SOX6: variants seen among roughly 807,000 people sequenced by gnomAD.
SOX6 encodes the protein SRY-box transcription factor 6, also known as transcription factor SOX-6.
Under a neutral mutation model 97.8 loss-of-function variants are expected in SOX6, and 11 were observed. The observed-to-expected ratio is 0.11, with a 90% confidence interval of 0.07 to 0.19. The LOEUF (loss-of-function observed/expected upper bound fraction) is 0.19, where lower values mean the gene tolerates loss of function less well. Among genes scored for constraint, SOX6 ranks in the 10% least tolerant of loss-of-function variants. The pLI is 1.00. For missense variants in SOX6, 810 were observed against 1,039.5 expected (o/e 0.78, Z 3.04); for synonymous variants, 360 against 371.4 (o/e 0.97, Z 0.35).
intron 4 of SOX6, among the ~76,000 whole-genome samples, chr11:16,504,960 C>A (rs1483254636): frequency 2.0e-5 from 3 of 152,154 alleles, no homozygotes; most frequent in Non-Finnish European, 4.4e-5. Flanking sequence ...AATTAAACAT[C>A]TTTATTACCC....
At chr11:16,268,518 G>A (rs1196437417) in intron 3 of SOX6, among the ~76,000 whole-genome samples, 3 of 150,946 alleles carry the variant, frequency 2.0e-5, no homozygotes, top group East Asian at 3.9e-4. Flanking sequence ...TAGAGAAGAC[G>A]GTCATTCTAA....
At chr11:16,032,096 T>G (rs573380477) in intron 12 of SOX6, among the ~76,000 whole-genome samples, 1 of 152,254 alleles carries the variant, frequency 6.6e-6, no homozygotes, top group Non-Finnish European at 1.5e-5. Context: ...AACTACTTCT[T>G]CCAAAGTCTG....
intron 3 of SOX6, among the ~76,000 whole-genome samples, chr11:16,250,022 T>C (rs1853460377): frequency 6.6e-6 from 1 of 152,196 alleles, no homozygotes. Flanking sequence ...TATTTTGGCT[T>C]TCATTTAGAG....
intron 2 of SOX6, among the ~76,000 whole-genome samples, chr11:16,720,591 C>A (rs1848253424): frequency 7.5e-6 from 1 of 133,500 alleles, no homozygotes; most frequent in African/African-American, 2.8e-5. Context: ...ATACCTAATG[C>A]TAAATGACGA....
chr11:16,357,401 C>T (rs1025011138), upstream of SOX6, among the ~76,000 whole-genome samples: 2 of 152,138 alleles, frequency 1.3e-5, no homozygotes, highest in South Asian at 2.1e-4. Flanking sequence ...GGGCCCAGAG[C>T]ACTGAAGCTC....
chr11:16,632,291 C>A (rs1475471833), intron 3 of SOX6, among the ~76,000 whole-genome samples: 1 of 151,982 alleles, frequency 6.6e-6, no homozygotes, highest in African/African-American at 2.4e-5. Flanking sequence ...TTTTCTTTCC[C>A]TTTCCCCCAA....
chr11:16,371,900 T>C (rs1857502461), intron 1 of SOX6, among the ~76,000 whole-genome samples: 1 of 152,052 alleles, frequency 6.6e-6, no homozygotes, highest in African/African-American at 2.4e-5. Flanking sequence ...CAGATTAGGG[T>C]TGCTCGACCT....
chr11:16,284,617 G>C (rs1854677581), intron 3 of SOX6, among the ~76,000 whole-genome samples: 1 of 152,012 alleles, frequency 6.6e-6, no homozygotes, highest in Non-Finnish European at 1.5e-5. Flanking sequence ...AAACAAACAC[G>C]GTGCCCTTCC....
chr11:16,178,795 C>T (rs1287868132), intron 6 of SOX6, among the ~76,000 whole-genome samples: 4 of 151,872 alleles, frequency 2.6e-5, no homozygotes, highest in South Asian at 2.1e-4. Context: ...GCATTTTGTT[C>T]ATCAATGATA....
At chr11:16,656,564 T>C (rs1182849203) in intron 3 of SOX6, among the ~76,000 whole-genome samples, 1 of 152,204 alleles carries the variant, frequency 6.6e-6, no homozygotes. Context: ...TCACATACTA[T>C]AATGTTCATG....
intron 4 of SOX6, among the ~76,000 whole-genome samples, chr11:16,221,109 A>C (rs915976823): frequency 6.6e-6 from 1 of 152,050 alleles, no homozygotes; most frequent in Non-Finnish European, 1.5e-5. Context: ...ATCCCAGAGA[A>C]CTATTCAAGG....
At chr11:16,507,877 C>T (rs1368249500) in intron 4 of SOX6, among the ~76,000 whole-genome samples, 2 of 151,984 alleles carry the variant, frequency 1.3e-5, no homozygotes, top group Admixed American at 6.6e-5. Context: ...CAAAAATAGA[C>T]AAAAGTGACT....
intron 2 of SOX6, among the ~76,000 whole-genome samples, chr11:16,332,225 G>A (rs1202061588): frequency 6.6e-6 from 1 of 152,120 alleles, no homozygotes; most frequent in African/African-American, 2.4e-5. Context: ...AAAGCTTTCT[G>A]AATTCGTTCA....
At chr11:16,448,402 C>T (rs983457539) in intron 1 of SOX6, among the ~76,000 whole-genome samples, 3 of 152,106 alleles carry the variant, frequency 2.0e-5, no homozygotes, top group Admixed American at 6.5e-5. Context: ...TTCAATATCA[C>T]TACTCTCATT....
chr11:16,265,780 G>C (rs1854067055), intron 3 of SOX6, among the ~76,000 whole-genome samples: 1 of 151,726 alleles, frequency 6.6e-6, no homozygotes, highest in African/African-American at 2.4e-5. Context: ...CAAATGTCTA[G>C]AGCTAAAAAC....
intron 4 of SOX6, among the ~76,000 whole-genome samples, chr11:16,544,203 T>C (rs531193561): frequency 6.6e-6 from 1 of 152,250 alleles, no homozygotes; most frequent in South Asian, 2.1e-4. Context: ...TGCCCTGGGA[T>C]TGGGGGTGGG....
intron 4 of SOX6, among the ~76,000 whole-genome samples, chr11:16,577,712 C>G (rs973438549): frequency 1.3e-5 from 2 of 152,008 alleles, no homozygotes; most frequent in African/African-American, 4.8e-5. Flanking sequence ...GCTTATTGTC[C>G]ATTTGTAAAT....
At chr11:16,255,819 T>G (rs1363283733) in intron 3 of SOX6, among the ~76,000 whole-genome samples, 1 of 149,242 alleles carries the variant, frequency 6.7e-6, no homozygotes, top group Non-Finnish European at 1.5e-5. Flanking sequence ...ATAAAATAGA[T>G]GAACTTCTAG....
chr11:16,010,081 TA>T (rs34209409), intron 13 of SOX6, among the ~76,000 whole-genome samples: 11 of 126,038 alleles, frequency 8.7e-5, no homozygotes, highest in Non-Finnish European at 9.8e-5. Context: ...AAGCCGAAAA[TA>T]AAAAAAATAT....
Sources: gnomAD v4.1 joint callset for allele counts (sites outside exome capture counted in the v4.1 genomes callset) on GRCh38, gnomAD v4.1.1 for gene constraint, MANE v1.5 for transcripts, NCBI Gene and HGNC (gene_info 2026-07-23, HGNC 2026-07-21) for gene names.